KCNN2: variants seen among roughly 807,000 people sequenced by gnomAD.
KCNN2 encodes the protein small conductance calcium-activated potassium channel protein 2.
A neutral mutation model predicts 55.5 loss-of-function variants in KCNN2; 24 were observed. The ratio of observed to expected loss-of-function variants is 0.43; its 90% CI spans 0.31 to 0.61. The LOEUF (loss-of-function observed/expected upper bound fraction) is 0.61, where lower values mean the gene tolerates loss of function less well. Ranked by LOEUF, KCNN2 falls within the 20% of genes least tolerant of loss-of-function variation. The pLI, the probability that KCNN2 is intolerant of heterozygous loss-of-function variation, is 0.08. For synonymous variants in KCNN2, 431 were observed against 336.1 expected (o/e 1.28, Z -3.09); for missense variants, 754 against 853.6 (o/e 0.88, Z 1.45).
At chr5:114,266,163 T>C (rs1306614581) in intron 2 of KCNN2, among the ~76,000 whole-genome samples, 1 of 152,226 alleles carries the variant, frequency 6.6e-6, no homozygotes, top group African/African-American at 2.4e-5. Context: ...TGAGATACTT[T>C]ACATTCTATT....
Position 114,459,402 on chromosome 5 carries a change from A to G in KCNN2, c.1638-3647A>G, listed in dbSNP as rs892020573. On this transcript the variant is annotated intron_variant, in intron 3 of 7. Coordinates refer to ENST00000673685, the MANE Select transcript of KCNN2 (RefSeq NM_021614.4). ...TAGAGAAGGTTGGAATTGTCTAAGT[A>G]TGTGAAGCGAACTTCTATAAAAAAT... is the stretch of plus-strand genomic sequence containing the variant. 2.0e-5 allele frequency among the ~76,000 whole-genome samples: 3 copies of G among 152,228 alleles called. No individual in the cohort carries two copies. In the East Asian group the frequency reaches 5.8e-4, roughly 29 times the overall value.
intron 2 of KCNN2, among the ~76,000 whole-genome samples, chr5:114,385,772 T>C (rs911209808): frequency 1.3e-5 from 2 of 152,046 alleles, no homozygotes; most frequent in African/African-American, 2.4e-5. Context: ...GTAATACTAA[T>C]GTAATGTATG....
At chr5:114,413,885 A>G (rs1342885266) in intron 3 of KCNN2, among the ~76,000 whole-genome samples, 1 of 152,184 alleles carries the variant, frequency 6.6e-6, no homozygotes, top group Non-Finnish European at 1.5e-5. Context: ...TTATCCATAT[A>G]TACATCAGCA....
At chr5:114,481,956 T>A (rs906764423) in intron 5 of KCNN2, among the ~76,000 whole-genome samples, 1 of 152,122 alleles carries the variant, frequency 6.6e-6, no homozygotes, top group Non-Finnish European at 1.5e-5. Flanking sequence ...GCAGTACCAT[T>A]CAGGACATAG....
chr5:114,318,549 A>G (rs914395691), intron 2 of KCNN2, among the ~76,000 whole-genome samples: 1 of 151,694 alleles, frequency 6.6e-6, no homozygotes, highest in African/African-American at 2.4e-5. Context: ...TCATACACTT[A>G]TCATAACAAT....
chr5:114,270,735 G>A lies in KCNN2; in HGVS notation c.-185+49170G>A, dbSNP rs186736442. The stretch of plus-strand genomic sequence containing the variant: ...TCTTTGTAACAGTATTACTATGTCC[G>A]GAATTGGTTCCTTCTGGTGGGTTCT... On this transcript the variant is annotated intron_variant, in intron 2 of 10. Coordinates refer to the KCNN2 transcript ENST00000512097. Among the ~76,000 whole-genome samples the A allele has an allele frequency of 2.0e-5, 3 of 152,246 alleles. No homozygotes were observed. The East Asian group carries it at 5.8e-4, about 29-fold the overall frequency.
chr5:114,341,320 G>A (rs1467180312), intron 2 of KCNN2, among the ~76,000 whole-genome samples: 2 of 152,210 alleles, frequency 1.3e-5, no homozygotes, highest in Non-Finnish European at 2.9e-5. Flanking sequence ...GAAGAAGGAT[G>A]TGGATCAGGA....
In KCNN2 at chr5:114,261,104, C is replaced by G. The variant is rs150849063; in HGVS notation, c.-185+39539C>G. Among the ~76,000 whole-genome samples, 6 of 152,316 alleles carry G rather than the reference C, an allele frequency of 3.9e-5. No homozygotes were observed. In the East Asian group the frequency reaches 1.2e-3, roughly 29 times the overall value. On this transcript the variant is annotated intron_variant, in intron 2 of 10. Coordinates refer to the KCNN2 transcript ENST00000512097. ...ATACTGTGTAAATTAATAGCACACT[C>G]TCAGGTGTTTTGTTAACATTTGAAG...
intron 1 of KCNN2, among the ~76,000 whole-genome samples, chr5:114,110,113 C>A (rs1163606664): frequency 6.6e-6 from 1 of 152,076 alleles, no homozygotes; most frequent in Non-Finnish European, 1.5e-5. Context: ...ACTAAACCTG[C>A]TGTTGCCTTG....
chr5:114,458,891 A>T (rs1177319150), intron 3 of KCNN2, among the ~76,000 whole-genome samples: 1 of 152,214 alleles, frequency 6.6e-6, no homozygotes, highest in Non-Finnish European at 1.5e-5. Flanking sequence ...ACATCTGCAG[A>T]GAAAGAGAGC....
At chr5:114,070,702 C>T (rs1311511722) in intron 1 of KCNN2, among the ~76,000 whole-genome samples, 4 of 152,178 alleles carry the variant, frequency 2.6e-5, no homozygotes, top group Non-Finnish European at 4.4e-5. Context: ...AATATTTTAT[C>T]AATTTTATTT....
intron 2 of KCNN2, among the ~76,000 whole-genome samples, chr5:114,391,928 C>T (rs1758461127): frequency 6.6e-6 from 1 of 152,058 alleles, no homozygotes; most frequent in African/African-American, 2.4e-5. Flanking sequence ...ATCCAAGTAT[C>T]ACCTCTATTT....
chr5:114,239,409 T>G (rs534257762), intron 2 of KCNN2, among the ~76,000 whole-genome samples: 1 of 152,274 alleles, frequency 6.6e-6, no homozygotes, highest in African/African-American at 2.4e-5. Context: ...ATTTAGGAGC[T>G]AAATACTGGC....
intron 1 of KCNN2, among the ~76,000 whole-genome samples, chr5:114,178,099 A>G (rs1167733537): frequency 2.0e-5 from 3 of 152,204 alleles, no homozygotes; most frequent in Admixed American, 1.3e-4. Flanking sequence ...CCTTTCCACC[A>G]AGGAAGAAAA....
chr5:114,130,082 G>C, intron 1 of KCNN2, among the ~76,000 whole-genome samples: 1 of 152,138 alleles, frequency 6.6e-6, no homozygotes, highest in Non-Finnish European at 1.5e-5. Flanking sequence ...TTCCTCCCTA[G>C]TATACCAGCT....
chr5:114,056,533 G>GC (rs1750212599), intron 1 of KCNN2: 1 of 397,544 alleles, frequency 2.5e-6, no homozygotes, highest in African/African-American at 2.1e-5. Flanking sequence ...ATTGACTAGG[G>GC]CCACAGATTT....
Position 114,442,536 on chromosome 5 carries a change from G to C in KCNN2, c.1638-20513G>C, listed in dbSNP as rs554705859. Among the ~76,000 whole-genome samples the C allele has an allele frequency of 1.5e-4, 23 of 152,238 alleles. No homozygotes were observed. The South Asian group carries it at 4.8e-3, about 32-fold the overall frequency. ...CAGTGATATGACAAGCTGCTCCCAT[G>C]CTTCTGTCCTGGGATACAGTTGTCT... On this transcript the variant is annotated intron_variant, in intron 3 of 7. Transcript: ENST00000673685.
At chr5:114,147,598 A>C (rs1444572961) in intron 1 of KCNN2, among the ~76,000 whole-genome samples, 1 of 152,124 alleles carries the variant, frequency 6.6e-6, no homozygotes, top group Non-Finnish European at 1.5e-5. Context: ...TCCCTCTTTC[A>C]CTCATTGTTC....
chr5:114,375,647 T>G (rs1444326534), intron 2 of KCNN2, among the ~76,000 whole-genome samples: 1 of 152,088 alleles, frequency 6.6e-6, no homozygotes, highest in African/African-American at 2.4e-5. Context: ...ATTTTAATAC[T>G]GTTGTTGAAA....
Sources: allele counts gnomAD v4.1 joint callset (sites outside exome capture counted in the v4.1 genomes callset), GRCh38; gene constraint gnomAD v4.1.1; transcripts MANE v1.5; gene names NCBI Gene and HGNC (gene_info 2026-07-23, HGNC 2026-07-21).